The following GTF2F2 variants were observed in gnomAD, a reference collection of about 807,000 sequenced individuals.
The protein encoded by GTF2F2 is general transcription factor IIF subunit 2.
A neutral mutation model predicts 42.2 loss-of-function variants in GTF2F2; 23 were observed. The ratio of observed to expected loss-of-function variants is 0.55; its 90% CI spans 0.39 to 0.77. GTF2F2 has a LOEUF of 0.77. Ranked by LOEUF, GTF2F2 falls within the 30% of genes least tolerant of loss-of-function variation. The probability of loss-of-function intolerance (pLI) is 0.00; values close to 1 mark genes in which losing one functional copy is unlikely to be tolerated. For missense variants in GTF2F2, 261 were observed against 287.2 expected, an observed-to-expected ratio of 0.91 and a Z score of 0.66; for synonymous variants, 105 against 100.8, an observed-to-expected ratio of 1.04 and a Z score of -0.25.
At chr13:45,260,216 A>T (rs538447443) in intron 6 of GTF2F2, among the ~76,000 whole-genome samples, 31 of 152,306 alleles carry the variant, frequency 2.0e-4, no homozygotes, top group African/African-American at 7.2e-4. Context: ...TGAGTGGTTG[A>T]TCTTTTAAAG....
chr13:45,237,706 A>G (rs1037124348), intron 5 of GTF2F2, among the ~76,000 whole-genome samples: 2 of 152,334 alleles, frequency 1.3e-5, no homozygotes, highest in South Asian at 2.1e-4. Flanking sequence ...ACCATGGTAC[A>G]TTCTTTTACT....
At chr13:45,120,755 C>T (rs755040313) in intron 1 of GTF2F2, 34 bp downstream of exon 1, 2 of 1,453,674 alleles carry the variant, frequency 1.4e-6, no homozygotes, top group South Asian at 1.2e-5. Flanking sequence ...TGCGCTCCTC[C>T]TAACACAAGT....
chr13:45,197,444 G>A (rs1273693520), intron 4 of GTF2F2, among the ~76,000 whole-genome samples: 1 of 151,098 alleles, frequency 6.6e-6, no homozygotes, highest in Non-Finnish European at 1.5e-5. Context: ...GGGAGGTGGA[G>A]GTTGCAGTGA....
intron 5 of GTF2F2, among the ~76,000 whole-genome samples, chr13:45,248,588 C>G (rs1875747130): frequency 6.6e-6 from 1 of 152,130 alleles, no homozygotes; most frequent in Non-Finnish European, 1.5e-5. Flanking sequence ...ATTTTCCTGC[C>G]TCAGCCTCCT....
At chr13:45,139,405 T>C (rs1212492558) in intron 2 of GTF2F2, among the ~76,000 whole-genome samples, 2 of 152,262 alleles carry the variant, frequency 1.3e-5, no homozygotes, top group Non-Finnish European at 2.9e-5. Context: ...ATGTTTGGAC[T>C]GTGTCCTCGG....
intron 4 of GTF2F2, among the ~76,000 whole-genome samples, chr13:45,166,131 A>G (rs1407007998): frequency 6.6e-6 from 1 of 152,088 alleles, no homozygotes; most frequent in African/African-American, 2.4e-5. Context: ...TACATTCTTC[A>G]TACAAATTCC....
chr13:45,201,751 C>A (rs1873195772), intron 4 of GTF2F2, among the ~76,000 whole-genome samples: 1 of 152,082 alleles, frequency 6.6e-6, no homozygotes, highest in Non-Finnish European at 1.5e-5. Context: ...ACCAATCTAG[C>A]CAAAAAAGGA....
At chr13:45,169,229 TAAAGAGGCGATGAATTTAA>T (rs1315866288) in intron 4 of GTF2F2, among the ~76,000 whole-genome samples, 3 of 152,058 alleles carry the variant, frequency 2.0e-5, no homozygotes, top group African/African-American at 7.2e-5. Flanking sequence ...ATAAGACCTG[TAAAGAGGCGATGAATTTAA>T]AAAGAGGCAG....
chr13:45,212,508 T>TTTC lies in GTF2F2; in HGVS notation c.386+5005_386+5006insCTT, dbSNP rs1555269211. The stretch of plus-strand genomic sequence containing the variant: ...CTTTCTTTCTTTCTTTCTTTCTTTC[T>TTTC]TTTCTTTCTTTCTCTTTCTCTCTTT... On this transcript the variant is annotated intron_variant, in intron 5 of 7. Transcript: ENST00000340473. Among the ~76,000 whole-genome samples the TTTC allele has an allele frequency of 2.9e-3, 135 of 46,482 alleles. 1 individual carries two copies. The highest frequency in any genetic ancestry group is 6.5e-3 in the South Asian group (10 of 1,532). 30.5% of individuals were successfully genotyped at this position (46,482 alleles called of 152,430 possible).
chr13:45,282,612 C>T (rs1391423094), intron 7 of GTF2F2, among the ~76,000 whole-genome samples: 1 of 152,208 alleles, frequency 6.6e-6, no homozygotes, highest in East Asian at 1.9e-4. Flanking sequence ...TCAAGTGATT[C>T]TCCTGCCTCA....
At chr13:45,246,687 T>C (rs7988454) in intron 5 of GTF2F2, among the ~76,000 whole-genome samples, 49,600 of 152,140 alleles carry the variant, frequency 0.33, 10,310 homozygotes, top group African/African-American at 0.59. Context: ...CTTACGACAG[T>C]CCATATATTT....
intron 4 of GTF2F2, among the ~76,000 whole-genome samples, chr13:45,189,019 C>T (rs1872530392): frequency 6.6e-6 from 1 of 151,846 alleles, no homozygotes; most frequent in Admixed American, 6.6e-5. Flanking sequence ...TTGTCATTTA[C>T]ATTAGGTACT....
chr13:45,124,463 G>T (rs1348871406), intron 1 of GTF2F2, among the ~76,000 whole-genome samples: 1 of 151,532 alleles, frequency 6.6e-6, no homozygotes, highest in Non-Finnish European at 1.5e-5. Flanking sequence ...TTGGGAGGCC[G>T]AGGCGGGTGG....
intron 2 of GTF2F2, 48 bp downstream of exon 2, chr13:45,136,854 T>A: frequency 2.0e-6 from 2 of 976,226 alleles, no homozygotes; most frequent in South Asian, 2.7e-5. Flanking sequence ...ATTTTTGAAA[T>A]TTTTATAAGT....
chr13:45,283,568 T>A lies in GTF2F2; in HGVS notation c.*7T>A. The A allele has an allele frequency of 1.3e-6, 2 of 1,596,472 alleles. No individual in the cohort carries two copies. The highest frequency in any genetic ancestry group is 1.7e-6 in the Non-Finnish European group (2 of 1,173,392). On this transcript the variant is annotated 3_prime_UTR_variant, in exon 8 of 8. Transcript: ENST00000340473. ...AGAAGAAAAGAGTGACTAAGAAGAC[T>A]CCTAGCCAGCATGCTAGTGAAACGA...
At chr13:45,277,490 G>A (rs1486759392) in intron 7 of GTF2F2, among the ~76,000 whole-genome samples, 5 of 152,216 alleles carry the variant, frequency 3.3e-5, no homozygotes, top group South Asian at 2.1e-4. Context: ...TGAGAGTTCC[G>A]TCCCCATGAT....
At chr13:45,274,941 TTAGTATATTCA>T (rs1876967539) in intron 7 of GTF2F2, among the ~76,000 whole-genome samples, 1 of 151,902 alleles carries the variant, frequency 6.6e-6, no homozygotes, top group South Asian at 2.1e-4. Context: ...TCAGTGGACT[TTAGTATATTCA>T]TAGAGTTGTG....
At chr13:45,246,999 A>C (rs1875657976) in intron 5 of GTF2F2, among the ~76,000 whole-genome samples, 1 of 147,966 alleles carries the variant, frequency 6.8e-6, no homozygotes, top group South Asian at 2.1e-4. Context: ...GATAAGCGCC[A>C]CTGCACTCCA....
rs1277076553 is a variant in GTF2F2, at chr13:45,283,496, C to T, written c.685C>T (p.His229Tyr). 1.2e-6 allele frequency: 2 copies of T among 1,611,868 alleles called. No homozygotes were observed. The highest frequency in any genetic ancestry group is 1.7e-6 in the Non-Finnish European group (2 of 1,178,380). ...EIGVQNVKGI[H>Y]KNTWELKPEY... ...TGGTGTTCAGAATGTAAAAGGGATC[C>T]ACAAAAACACATGGGAGCTGAAGCC... Residue 229 changes from histidine (H) to tyrosine (Y), a missense_variant, in exon 8 of 8, where the codon CAC (histidine) becomes TAC (tyrosine). By Grantham distance (83) the His-to-Tyr change is moderately conservative. Coordinates refer to ENST00000340473, the MANE Select transcript of GTF2F2 (RefSeq NM_004128.3).
Sources: allele counts gnomAD v4.1 joint callset (sites outside exome capture counted in the v4.1 genomes callset), GRCh38; gene constraint gnomAD v4.1.1; transcripts MANE v1.5; gene names NCBI Gene and HGNC (gene_info 2026-07-23, HGNC 2026-07-21).